The following VPS54 variants were observed in gnomAD, a reference collection of about 807,000 sequenced individuals.
VPS54 encodes the protein VPS54 subunit of GARP complex.
A neutral mutation model predicts 121.5 loss-of-function variants in VPS54; 45 were observed. The observed-to-expected ratio is 0.37, with a 90% CI of 0.29 to 0.47. The LOEUF is 0.47. Among genes scored for constraint, VPS54 ranks in the 20% least tolerant of loss-of-function variants. VPS54 has a pLI of 0.99. For missense variants in VPS54, 1,090 were observed against 1,131.4 expected, an observed-to-expected ratio of 0.96 and a Z score of 0.52; for synonymous variants, 371 against 385.8, an observed-to-expected ratio of 0.96 and a Z score of 0.45.
At chr2:63,898,199 A>G (rs1672523498) in intron 21 of VPS54, among the ~76,000 whole-genome samples, 3 of 152,206 alleles carry the variant, frequency 2.0e-5, no homozygotes, top group East Asian at 3.8e-4. Flanking sequence ...AAATTACGCC[A>G]CAGATAAAAC....
chr2:63,992,557 G>C (rs1054150312), intron 1 of VPS54, among the ~76,000 whole-genome samples: 2 of 152,210 alleles, frequency 1.3e-5, no homozygotes, highest in African/African-American at 4.8e-5. Context: ...CACCCATTTG[G>C]ATTCAGCAGT....
At chr2:63,940,320 A>G (rs925867877) in intron 11 of VPS54, among the ~76,000 whole-genome samples, 4 of 152,218 alleles carry the variant, frequency 2.6e-5, no homozygotes, top group African/African-American at 7.2e-5. Flanking sequence ...AGAAAAAAGT[A>G]CCATATTTCA....
Position 63,920,525 on chromosome 2 carries a change from T to A in VPS54, c.1972A>T (p.Thr658Ser). ...DTEQICGRKS[T>S]SLLGALQSQA... ...CTCTGAAGTGCTCCAAGTAATGACG[T>A]GCTTTTTCTTCCACAGATCTGTTCG... The change falls in exon 14 of 23, where the codon ACG (threonine) becomes TCG (serine). Residue 658 changes from threonine (T) to serine (S), a missense_variant. Physicochemically the swap from Thr to Ser is moderately conservative, Grantham distance 58 (BLOSUM62 1). Coordinates refer to ENST00000272322, the MANE Select transcript of VPS54 (RefSeq NM_016516.3). 2 of 1,592,404 alleles carry A rather than the reference T, an allele frequency of 1.3e-6. No homozygotes were observed.
intron 9 of VPS54, among the ~76,000 whole-genome samples, chr2:63,947,125 T>C (rs1559013199): frequency 6.6e-6 from 1 of 151,996 alleles, no homozygotes; most frequent in Non-Finnish European, 1.5e-5. Context: ...CTGCTTATGA[T>C]TGTAACTGAA....
intron 12 of VPS54, among the ~76,000 whole-genome samples, chr2:63,925,681 G>C (rs1220210702): frequency 6.6e-6 from 1 of 152,180 alleles, no homozygotes; most frequent in East Asian, 1.9e-4. Flanking sequence ...ACTGCTACAT[G>C]TAACAACCTG....
At chr2:63,944,254 T>C (rs1338668739) in intron 10 of VPS54, among the ~76,000 whole-genome samples, 3 of 152,156 alleles carry the variant, frequency 2.0e-5, no homozygotes, top group Non-Finnish European at 4.4e-5. Flanking sequence ...TCTGGGAAGC[T>C]AACATGTGGG....
Position 63,932,766 on chromosome 2 carries a change from A to G in VPS54, c.1739+907T>C, listed in dbSNP as rs984621621. On this transcript the variant is annotated intron_variant, in intron 12 of 22. Transcript: ENST00000272322. ...ACTAAATCCAAACTATTCTTGGACC[A>G]GAAATATTTTATTGGTTCTATTTTT... Among the ~76,000 whole-genome samples the G allele has an allele frequency of 1.1e-4, 16 of 152,268 alleles. No individual in the cohort carries two copies. In the Middle Eastern group the frequency reaches 0.027, roughly 259 times the overall value.
rs551590823 is a variant in VPS54 at position 64,011,459 on chromosome 2, G to A, written c.-21+7479C>T. On this transcript the variant is annotated intron_variant, in intron 1 of 22. Transcript: ENST00000272322. ...TGCACGCCTGTAGTCCCAGCTACTC[G>A]GGAGGCTGAGGCAGAGCAATCGCTT... 1.4e-4 allele frequency among the ~76,000 whole-genome samples: 22 copies of A among 152,192 alleles called. No individual in the cohort carries two copies. The South Asian group carries it at 4.4e-3, about 30-fold the overall frequency.
At chr2:63,994,595 T>C (rs558051832) in intron 1 of VPS54, among the ~76,000 whole-genome samples, 2 of 152,166 alleles carry the variant, frequency 1.3e-5, no homozygotes, top group Non-Finnish European at 2.9e-5. Flanking sequence ...GTTGTATCCA[T>C]CTAGAAACTC....
chr2:64,015,251 G>GA (rs36089103), intron 1 of VPS54, among the ~76,000 whole-genome samples: 1 of 151,944 alleles, frequency 6.6e-6, no homozygotes, highest in East Asian at 1.9e-4. Context: ...TCTGTTTTTA[G>GA]AAAAAAAGGG....
intron 4 of VPS54, 125 bp downstream of exon 4, chr2:63,972,041 G>T: frequency 2.1e-6 from 1 of 470,968 alleles, no homozygotes; most frequent in Non-Finnish European, 3.6e-6. Context: ...TATAATCATA[G>T]GTTATAAAAA....
intron 12 of VPS54, among the ~76,000 whole-genome samples, chr2:63,927,564 T>C (rs958932379): frequency 6.6e-6 from 1 of 151,290 alleles, no homozygotes; most frequent in African/African-American, 2.4e-5. Flanking sequence ...GAAACCAGAG[T>C]AGAAATGCTG....
intron 20 of VPS54, among the ~76,000 whole-genome samples, chr2:63,908,136 T>C (rs555083203): frequency 6.6e-6 from 1 of 152,336 alleles, no homozygotes; most frequent in South Asian, 2.1e-4. Flanking sequence ...AACAGCTTTC[T>C]TCATAACAGC....
intron 21 of VPS54, among the ~76,000 whole-genome samples, chr2:63,898,617 C>T (rs1018194832): frequency 2.6e-5 from 4 of 152,070 alleles, no homozygotes; most frequent in East Asian, 1.9e-4. Flanking sequence ...ACCATTTCCA[C>T]GCACTCAACC....
chr2:63,921,259 C>T lies in VPS54; in HGVS notation c.1816G>A (p.Ala606Thr), dbSNP rs1652107918. The change falls in exon 13 of 23, where the codon GCC becomes ACC. Residue 606 changes from alanine to threonine, a missense_variant. Physicochemically the swap from Ala to Thr is moderately conservative, Grantham distance 58. Coordinates refer to ENST00000272322, the MANE Select transcript of VPS54 (RefSeq NM_016516.3). ...ANNIQELLYS[A>T]SDICHDRAVK... ...GCTCGATCATGGCATATATCTGAGGCACTATATAATAATTCCTGGATATTA... is the reference window on the plus strand; with the variant it reads ...GCTCGATCATGGCATATATCTGAGGTACTATATAATAATTCCTGGATATTA... 6.2e-7 allele frequency: 1 copy of T among 1,612,880 alleles called. No individual in the cohort carries two copies. The highest frequency in any genetic ancestry group is 1.7e-5 in the Admixed American group (1 of 59,974).
At chr2:63,998,081 C>T (rs1017936271) in intron 1 of VPS54, among the ~76,000 whole-genome samples, 3 of 152,118 alleles carry the variant, frequency 2.0e-5, no homozygotes, top group African/African-American at 7.2e-5. Context: ...TTATTTCCAA[C>T]CTGTTTCTTT....
At chr2:64,006,135 T>G (rs961932754) in intron 1 of VPS54, among the ~76,000 whole-genome samples, 1 of 152,200 alleles carries the variant, frequency 6.6e-6, no homozygotes, top group Non-Finnish European at 1.5e-5. Flanking sequence ...TTTGTTTCAT[T>G]CACTTTCCTA....
chr2:63,927,268 CACCTCAT>C (rs1209452295), intron 12 of VPS54, among the ~76,000 whole-genome samples: 2 of 152,168 alleles, frequency 1.3e-5, no homozygotes, highest in African/African-American at 4.8e-5. Flanking sequence ...GGCCGACAGA[CACCTCAT>C]ACAGGTGGGT....
At chr2:63,969,555 G>A (rs987162421) in intron 4 of VPS54, among the ~76,000 whole-genome samples, 12 of 151,962 alleles carry the variant, frequency 7.9e-5, no homozygotes, top group African/African-American at 2.9e-4. Flanking sequence ...CCCCAGATGG[G>A]ACCATCTAGT....
Sources: allele counts gnomAD v4.1 joint callset (sites outside exome capture counted in the v4.1 genomes callset), GRCh38; gene constraint gnomAD v4.1.1; transcripts MANE v1.5; gene names NCBI Gene and HGNC (gene_info 2026-07-23, HGNC 2026-07-21).